The following TYW1B variants were observed in gnomAD, a reference collection of about 807,000 sequenced individuals.
TYW1B encodes the protein S-adenosyl-L-methionine-dependent tRNA 4-demethylwyosine synthase TYW1B.
In TYW1B, 73 loss-of-function variants were observed where a neutral mutation model predicts 86.9. The ratio of observed to expected loss-of-function variants is 0.84; its 90% CI spans 0.70 to 1.02. The LOEUF is 1.02. TYW1B is among the 50% of genes least tolerant of loss of function. The pLI, the probability that TYW1B is intolerant of heterozygous loss-of-function variation, is 0.00. For synonymous variants in TYW1B, 248 were observed against 292.8 expected, an observed-to-expected ratio of 0.85 and a Z score of 1.56; for missense variants, 637 against 827.4, an observed-to-expected ratio of 0.77 and a Z score of 2.82.
intron 11 of TYW1B, among the ~76,000 whole-genome samples, chr7:72,658,497 A>G (rs1474157035): frequency 3.9e-5 from 6 of 152,180 alleles, no homozygotes; most frequent in African/African-American, 1.4e-4. Context: ...CTAAATTATA[A>G]ATAGATACTC....
At chr7:72,743,660 A>G (rs1374400328) in intron 8 of TYW1B, among the ~76,000 whole-genome samples, 10 of 152,144 alleles carry the variant, frequency 6.6e-5, no homozygotes, top group South Asian at 2.1e-4. Context: ...CCTGGCCAAC[A>G]TGGTGAAACC....
chr7:72,795,487 T>C (rs1277459403), intron 6 of TYW1B, among the ~76,000 whole-genome samples: 5 of 151,956 alleles, frequency 3.3e-5, no homozygotes, highest in African/African-American at 9.7e-5. Flanking sequence ...CATGATGAGA[T>C]TCAAGCTAAA....
intron 6 of TYW1B, among the ~76,000 whole-genome samples, chr7:72,788,525 G>A (rs181483747): frequency 7.3e-4 from 111 of 151,886 alleles, no homozygotes; most frequent in African/African-American, 2.5e-3. Flanking sequence ...TATTTCCTTT[G>A]TTTTGTTTGT....
rs146550459 is a variant in TYW1B, at chr7:72,738,865, G to A, written c.1082+5619C>T. On this transcript the variant is annotated intron_variant, in intron 8 of 13. Coordinates refer to ENST00000620995, the MANE Select transcript of TYW1B (RefSeq NM_001145440.3). ...AGGGGAGGATTGCTTCAGGCCAAGA[G>A]TTCGAGACCAGCTTGAGAAACATAG... Among the ~76,000 whole-genome samples, 5 of 152,066 alleles carry A rather than the reference G, an allele frequency of 3.3e-5. No individual in the cohort carries two copies. In the East Asian group the frequency reaches 9.7e-4, roughly 29 times the overall value.
intron 12 of TYW1B, among the ~76,000 whole-genome samples, chr7:72,624,524 C>T (rs186885860): frequency 3.9e-5 from 6 of 152,168 alleles, no homozygotes; most frequent in Non-Finnish European, 7.4e-5. Context: ...TAGCAGTATG[C>T]TCTATTCTGT....
At chr7:72,652,424 C>T (rs180913579) in intron 11 of TYW1B, among the ~76,000 whole-genome samples, 1,682 of 116,874 alleles carry the variant, frequency 0.014, 38 homozygotes, top group African/African-American at 0.048. Flanking sequence ...GACATTGTTA[C>T]AATGGAATTC....
At chr7:72,697,707 G>A (rs1482255129) in intron 10 of TYW1B, among the ~76,000 whole-genome samples, 8 of 152,094 alleles carry the variant, frequency 5.3e-5, no homozygotes, top group African/African-American at 1.7e-4. Flanking sequence ...TAATTAAAAA[G>A]GATATCCTCT....
At chr7:72,666,617 G>T (rs1813468195) in intron 11 of TYW1B, among the ~76,000 whole-genome samples, 1 of 152,036 alleles carries the variant, frequency 6.6e-6, no homozygotes, top group African/African-American at 2.4e-5. Context: ...TAGTAACACA[G>T]GAATCTCCTA....
intron 8 of TYW1B, among the ~76,000 whole-genome samples, chr7:72,742,659 C>T (rs1444615009): frequency 1.3e-5 from 2 of 152,074 alleles, no homozygotes; most frequent in East Asian, 3.8e-4. Context: ...AATAGTCAAT[C>T]CCATTAATAA....
At position 72,732,432 on chromosome 7, in the gene TYW1B, G is replaced by A. The variant is rs1218536745; in HGVS notation, c.1083-3501C>T. 2.0e-5 allele frequency among the ~76,000 whole-genome samples: 3 copies of A among 152,078 alleles called. No individual in the cohort carries two copies. In the East Asian group the frequency reaches 5.8e-4, roughly 29 times the overall value. On this transcript the variant is annotated intron_variant, in intron 8 of 13. Coordinates refer to ENST00000620995, the MANE Select transcript of TYW1B (RefSeq NM_001145440.3). ...CCTATCAAGTATGTTTTTGGACAATGGAATAAAACAAGAAATCAGTCATAA... is the reference window on the plus strand; with the variant it reads ...CCTATCAAGTATGTTTTTGGACAATAGAATAAAACAAGAAATCAGTCATAA...
intron 12 of TYW1B, among the ~76,000 whole-genome samples, chr7:72,623,021 G>A (rs544500218): frequency 6.6e-6 from 1 of 152,226 alleles, no homozygotes; most frequent in South Asian, 2.1e-4. Flanking sequence ...CTGCACACAG[G>A]GTAGATAGAA....
At chr7:72,725,782 A>G (rs1246528242) in intron 9 of TYW1B, among the ~76,000 whole-genome samples, 1 of 152,150 alleles carries the variant, frequency 6.6e-6, no homozygotes, top group African/African-American at 2.4e-5. Context: ...AGTCAACTCA[A>G]GAGATGTTGA....
At chr7:72,779,139 T>C (rs1474053771) in intron 6 of TYW1B, among the ~76,000 whole-genome samples, 2 of 152,158 alleles carry the variant, frequency 1.3e-5, no homozygotes, top group Non-Finnish European at 2.9e-5. Flanking sequence ...CAGCCCACCC[T>C]TGGTCCCTGT....
At chr7:72,617,033 C>T (rs1344526380) in intron 12 of TYW1B, among the ~76,000 whole-genome samples, 194 bp from the exon 13 acceptor site, 5 of 152,220 alleles carry the variant, frequency 3.3e-5, no homozygotes, top group African/African-American at 1.2e-4. Flanking sequence ...AGACAGCAGG[C>T]TGATGCTCTT....
chr7:72,615,191 C>G (rs1461806865), intron 13 of TYW1B, among the ~76,000 whole-genome samples: 1 of 152,224 alleles, frequency 6.6e-6, no homozygotes, highest in African/African-American at 2.4e-5. Flanking sequence ...GGTTTGCTAT[C>G]TATTTCCTCT....
chr7:72,779,040 A>T (rs1487753951), intron 6 of TYW1B, among the ~76,000 whole-genome samples: 2 of 152,012 alleles, frequency 1.3e-5, no homozygotes, highest in African/African-American at 4.8e-5. Context: ...GATCTGTGTT[A>T]CACTTTAGGG....
At chr7:72,594,927 A>C (rs540141322) in intron 13 of TYW1B, among the ~76,000 whole-genome samples, 8 of 152,342 alleles carry the variant, frequency 5.3e-5, no homozygotes, top group African/African-American at 1.9e-4. Context: ...TGACAAAACA[A>C]CACCCTTTCG....
At chr7:72,790,553 C>T (rs1179047048) in intron 6 of TYW1B, among the ~76,000 whole-genome samples, 2 of 152,214 alleles carry the variant, frequency 1.3e-5, no homozygotes, top group African/African-American at 4.8e-5. Flanking sequence ...AGTCCCTGCC[C>T]AGCAGCTGCA....
rs2421432 is a variant in TYW1B, at chr7:72,719,674, G to A, written c.1193-5876C>T. Among the ~76,000 whole-genome samples, 7 of 150,740 alleles carry A rather than the reference G, an allele frequency of 4.6e-5. No individual in the cohort carries two copies. The East Asian group carries it at 9.7e-4, about 21-fold the overall frequency. Reference sequence around the variant, plus strand: ...AAAAAGAAGGTGATAGGCACGTGGAGAAGAAAAGAAAGAGCAGGGCAATGA... The same window carrying A: ...AAAAAGAAGGTGATAGGCACGTGGAAAAGAAAAGAAAGAGCAGGGCAATGA... On this transcript the variant is annotated intron_variant, in intron 9 of 13. Coordinates refer to ENST00000620995, the MANE Select transcript of TYW1B (RefSeq NM_001145440.3).
Sources: allele counts gnomAD v4.1 joint callset (sites outside exome capture counted in the v4.1 genomes callset), GRCh38; gene constraint gnomAD v4.1.1; transcripts MANE v1.5; gene names NCBI Gene and HGNC (gene_info 2026-07-23, HGNC 2026-07-21).